OPHN1: variants seen among roughly 807,000 people sequenced by gnomAD.
OPHN1 encodes oligophrenin-1.
In OPHN1, 11 loss-of-function variants were observed where a neutral mutation model predicts 60.7. That is an observed-to-expected ratio of 0.18 (90% CI 0.11 to 0.30). The LOEUF (loss-of-function observed/expected upper bound fraction) is 0.30. OPHN1 is among the 10% of genes least tolerant of loss of function. The pLI is 1.00. For missense variants in OPHN1, 449 were observed against 611.0 expected (o/e 0.73, Z 2.80); for synonymous variants, 226 against 222.6 (o/e 1.02, Z -0.14).
intron 2 of OPHN1, among the ~76,000 whole-genome samples, chrX:68,324,239 A>G (rs1374950630): frequency 9.0e-6 from 1 of 111,533 alleles, no homozygotes; most frequent in Non-Finnish European, 1.9e-5. Flanking sequence ...ATTAGAAATA[A>G]TGACAGTTCA....
intron 4 of OPHN1, among the ~76,000 whole-genome samples, chrX:68,281,092 C>A (rs1569268033): frequency 9.0e-6 from 1 of 111,675 alleles, no homozygotes; most frequent in African/African-American, 3.2e-5. Flanking sequence ...AGTCAAAATC[C>A]CAGCAAGTTA....
intron 2 of OPHN1, among the ~76,000 whole-genome samples, chrX:68,322,315 G>A (rs1404205178): frequency 4.5e-5 from 5 of 111,390 alleles, no homozygotes; most frequent in Non-Finnish European, 3.8e-5. Flanking sequence ...CAGCAATTAC[G>A]TTCCCAGGCA....
intron 6 of OPHN1, among the ~76,000 whole-genome samples, chrX:68,215,722 T>G (rs897634213): frequency 3.6e-5 from 4 of 111,360 alleles, no homozygotes; most frequent in Admixed American, 9.6e-5. Context: ...TATAAAATAT[T>G]TGAAGGTGTT....
At chrX:68,378,373 T>C (rs777994845) in intron 2 of OPHN1, among the ~76,000 whole-genome samples, 1 of 111,671 alleles carries the variant, frequency 9.0e-6, no homozygotes, top group South Asian at 3.8e-4. Flanking sequence ...TTCTCCCATT[T>C]TGTAGGTTGC....
In OPHN1 at chrX:68,263,229, G is replaced by A. The variant is rs182486946; in HGVS notation, c.384+11509C>T. 1.7e-3 allele frequency among the ~76,000 whole-genome samples: 192 copies of A among 110,819 alleles called. 1 individual carries two copies. Among genetic ancestry groups the A allele is most frequent in the African/African-American group, 5.8e-3 (177 of 30,475 alleles). On this transcript the variant is annotated intron_variant, in intron 5 of 24. Coordinates refer to ENST00000355520, the MANE Select transcript of OPHN1 (RefSeq NM_002547.3). ...CATTGCTTTCATCCTTCCTCCCTAC[G>A]AACCTCCACTTCTATGACAAAGAGA...
intron 2 of OPHN1, among the ~76,000 whole-genome samples, chrX:68,343,485 C>T (rs758536756): frequency 5.6e-5 from 6 of 107,277 alleles, no homozygotes; most frequent in South Asian, 4.0e-4. Flanking sequence ...CTCTGTCAAA[C>T]GAAAAAAAAA....
intron 2 of OPHN1, among the ~76,000 whole-genome samples, chrX:68,395,735 C>T (rs929657290): frequency 9.0e-6 from 1 of 111,325 alleles, no homozygotes; most frequent in Non-Finnish European, 1.9e-5. Flanking sequence ...GCGTGAGCCA[C>T]CATGCCCAGC....
intron 15 of OPHN1, among the ~76,000 whole-genome samples, chrX:68,176,417 C>G (rs1285190862): frequency 9.0e-6 from 1 of 111,461 alleles, no homozygotes; most frequent in Non-Finnish European, 1.9e-5. Context: ...AGCCCGTGAG[C>G]ACATGAAAAG....
intron 5 of OPHN1, among the ~76,000 whole-genome samples, chrX:68,250,612 C>T: frequency 9.0e-6 from 1 of 111,457 alleles, no homozygotes; most frequent in Non-Finnish European, 1.9e-5. Context: ...CTCCCTGTGC[C>T]TTAGGTTTTT....
chrX:68,202,149 C>T (rs937136456), intron 10 of OPHN1, among the ~76,000 whole-genome samples: 27 of 111,814 alleles, frequency 2.4e-4, no homozygotes, highest in Non-Finnish European at 5.6e-5. Flanking sequence ...AGCAAAGAAG[C>T]TTCCATTAAA....
chrX:68,234,384 C>T, intron 6 of OPHN1, 103 bp downstream of exon 6: 1 of 643,678 alleles, frequency 1.6e-6, no homozygotes, highest in Non-Finnish European at 2.6e-6. Context: ...ACATGAGGTT[C>T]CCTGCTGAGA....
At chrX:68,238,951 G>A (rs929493067) in intron 5 of OPHN1, among the ~76,000 whole-genome samples, 1 of 111,754 alleles carries the variant, frequency 8.9e-6, no homozygotes, top group Non-Finnish European at 1.9e-5. Context: ...ATCACAAGGA[G>A]AGAGGGCTTT....
intron 21 of OPHN1, among the ~76,000 whole-genome samples, chrX:68,057,204 CT>C (rs953072023): frequency 7.1e-5 from 8 of 112,013 alleles, no homozygotes; most frequent in African/African-American, 2.6e-4. Context: ...ATGTAAGGAG[CT>C]TTAAAATTGT....
chrX:68,169,001 G>A (rs1017214176), intron 15 of OPHN1, among the ~76,000 whole-genome samples: 1 of 111,275 alleles, frequency 9.0e-6, no homozygotes, highest in Non-Finnish European at 1.9e-5. Context: ...CTGAAATTGT[G>A]GCAATAATCA....
At chrX:68,431,583 A>ATTTTT (rs367572189) in intron 2 of OPHN1, among the ~76,000 whole-genome samples, 2 of 93,571 alleles carry the variant, frequency 2.1e-5, no homozygotes, top group Non-Finnish European at 4.2e-5. Flanking sequence ...TGCCCAGCTA[A>ATTTTT]TTTTTTTTTT....
intron 20 of OPHN1, chrX:68,071,562 C>A: frequency 1.7e-6 from 1 of 590,688 alleles, no homozygotes. Context: ...CATAGGGACA[C>A]CATCAGGCTG....
At position 68,280,845 on chromosome X, in the gene OPHN1, C is replaced by A. The variant is rs201920851; in HGVS notation, c.312+2211G>T. 3.6e-5 allele frequency among the ~76,000 whole-genome samples: 4 copies of A among 111,042 alleles called. No homozygotes were observed. The East Asian group carries it at 1.1e-3, about 31-fold the overall frequency. On this transcript the variant is annotated intron_variant, in intron 4 of 24. Transcript: ENST00000355520. ...TTTTTAGGCTGTTAAAATAATTAGA[C>A]TTCATAAAAATGAAACACTTAAGTA...
At chrX:68,097,134 A>C (rs1386487998) in intron 18 of OPHN1, 105 bp from the exon 19 acceptor site, 1 of 722,991 alleles carries the variant, frequency 1.4e-6, no homozygotes, top group African/African-American at 2.2e-5. Context: ...AAAATGTAGA[A>C]GGAAAGGAGC....
chrX:68,102,667 G>A (rs1411563083), intron 18 of OPHN1, among the ~76,000 whole-genome samples: 2 of 111,177 alleles, frequency 1.8e-5, no homozygotes, highest in African/African-American at 6.5e-5. Flanking sequence ...AAATCAAATA[G>A]ACACAATAAA....
Sources: gnomAD v4.1 joint callset for allele counts (sites outside exome capture counted in the v4.1 genomes callset) on GRCh38, gnomAD v4.1.1 for gene constraint, MANE v1.5 for transcripts, NCBI Gene and HGNC (gene_info 2026-07-23, HGNC 2026-07-21) for gene names.